UBE2U: variants seen among roughly 807,000 people sequenced by gnomAD.
UBE2U encodes ubiquitin conjugating enzyme E2 U, also known as ubiquitin-conjugating enzyme E2 U.
Under a neutral mutation model 41.2 loss-of-function variants are expected in UBE2U, and 39 were observed. The observed-to-expected ratio is 0.95, with a 90% CI of 0.73 to 1.24. The LOEUF (loss-of-function observed/expected upper bound fraction) is 1.24. Ranked by LOEUF, UBE2U falls within the 50% of genes most tolerant of loss-of-function variation. UBE2U has a pLI of 0.00. For synonymous variants in UBE2U, 107 were observed against 117.8 expected (o/e 0.91, Z 0.60); for missense variants, 336 against 363.1 (o/e 0.93, Z 0.61).
chr1:64,204,022 G>A lies in UBE2U; in HGVS notation c.-29G>A, dbSNP rs1248961377. On this transcript the variant is annotated 5_prime_UTR_variant, in exon 1 of 10. Coordinates refer to ENST00000371077, the MANE Select transcript of UBE2U (RefSeq NM_001366232.2). ...TCAGAGTAAACCTGAGGCATTTGGGGACAAGTGTCAGACCCTCCGCTGCCT... is the reference window on the plus strand; with the variant it reads ...TCAGAGTAAACCTGAGGCATTTGGGAACAAGTGTCAGACCCTCCGCTGCCT... The A allele has an allele frequency of 6.2e-7, 1 of 1,606,788 alleles. No homozygotes were observed. The highest frequency in any genetic ancestry group is 8.5e-7 in the Non-Finnish European group (1 of 1,175,614).
chr1:64,237,304 G>T (rs1056479941), intron 7 of UBE2U, among the ~76,000 whole-genome samples: 2 of 95,764 alleles, frequency 2.1e-5, no homozygotes. Context: ...ATGTATCATA[G>T]AAAAAAAAAA....
At chr1:64,216,908 T>C (rs72918836) in intron 5 of UBE2U, among the ~76,000 whole-genome samples, 2,444 of 152,256 alleles carry the variant, frequency 0.016, 70 homozygotes, top group African/African-American at 0.055. Flanking sequence ...CTTAGAGGAC[T>C]CACATACCCC....
intron 6 of UBE2U, among the ~76,000 whole-genome samples, chr1:64,231,855 T>A (rs1035140619): frequency 6.6e-6 from 1 of 152,230 alleles, no homozygotes; most frequent in Middle Eastern, 3.2e-3. Context: ...TTCACATGTC[T>A]GAAAAAATAT....
At chr1:64,259,173 G>A (rs1032976811) in intron 8 of UBE2U, among the ~76,000 whole-genome samples, 2 of 152,006 alleles carry the variant, frequency 1.3e-5, no homozygotes, top group African/African-American at 4.8e-5. Context: ...GGGGTTGTTT[G>A]TTTTTTTCTT....
intron 6 of UBE2U, among the ~76,000 whole-genome samples, chr1:64,226,162 T>C (rs1355247760): frequency 6.6e-6 from 1 of 152,160 alleles, no homozygotes; most frequent in African/African-American, 2.4e-5. Flanking sequence ...TTTATTAATA[T>C]ATAGAATACT....
chr1:64,241,509 G>A, intron 7 of UBE2U, 143 bp from the exon 8 acceptor site: 1 of 539,388 alleles, frequency 1.9e-6, no homozygotes, highest in Non-Finnish European at 3.3e-6. Flanking sequence ...AAGTTTCTAA[G>A]GATTGTAATA....
Position 64,232,611 on chromosome 1 carries a change from T to C in UBE2U, c.557T>C (p.Ile186Thr). ...GATTACTACCAGACATGGTCCAGAA[T>C]AGCTACATCAAAAGCCACAGAATAC... is the stretch of plus-strand genomic sequence containing the variant. ...FSDYYQTWSR[I>T]ATSKATEYYR... The change falls in exon 7 of 10, where the codon ATA becomes ACA. Residue 186 changes from isoleucine (I) to threonine (T), a missense_variant. By Grantham distance (89) the Ile-to-Thr change is moderately conservative. Transcript: ENST00000371077. The C allele has an allele frequency of 6.2e-7, 1 of 1,613,650 alleles. No individual in the cohort carries two copies. Among genetic ancestry groups the C allele is most frequent in the South Asian group, 1.1e-5 (1 of 91,052 alleles).
At chr1:64,211,502 C>T (rs527421604) in intron 4 of UBE2U, among the ~76,000 whole-genome samples, 1 of 152,272 alleles carries the variant, frequency 6.6e-6, no homozygotes, top group Admixed American at 6.5e-5. Flanking sequence ...TGCAACGGCA[C>T]AATCCTGGCT....
intron 8 of UBE2U, among the ~76,000 whole-genome samples, chr1:64,256,397 C>T (rs1026296745): frequency 6.6e-6 from 1 of 152,146 alleles, no homozygotes; most frequent in African/African-American, 2.4e-5. Context: ...ACCAAAACAG[C>T]ATGATACTAG....
intron 6 of UBE2U, among the ~76,000 whole-genome samples, chr1:64,223,172 C>T (rs2100338598): frequency 6.6e-6 from 1 of 152,266 alleles, no homozygotes; most frequent in East Asian, 1.9e-4. Context: ...AGGATACACA[C>T]CTGATTAATA....
chr1:64,249,712 T>A (rs1644976868), intron 8 of UBE2U, among the ~76,000 whole-genome samples: 1 of 151,814 alleles, frequency 6.6e-6, no homozygotes, highest in Non-Finnish European at 1.5e-5. Flanking sequence ...AGTGTAGCAA[T>A]ATAATCTCTT....
chr1:64,232,430 A>G, intron 6 of UBE2U, 131 bp from the exon 7 acceptor site: 1 of 544,942 alleles, frequency 1.8e-6, no homozygotes, highest in South Asian at 3.5e-5. Context: ...TTAAAAATGC[A>G]TGTTACAATT....
intron 6 of UBE2U, among the ~76,000 whole-genome samples, chr1:64,228,729 G>A (rs571807693): frequency 1.0e-4 from 12 of 118,502 alleles, no homozygotes; most frequent in East Asian, 1.0e-3. Flanking sequence ...TTGCTCTGTC[G>A]CCCAGGTTGG....
At chr1:64,255,734 T>C (rs569065146) in intron 8 of UBE2U, among the ~76,000 whole-genome samples, 1 of 152,272 alleles carries the variant, frequency 6.6e-6, no homozygotes, top group African/African-American at 2.4e-5. Flanking sequence ...TCACCGCTCC[T>C]ATTCAACATA....
At chr1:64,217,048 A>G (rs1652073377) in intron 5 of UBE2U, among the ~76,000 whole-genome samples, 1 of 152,214 alleles carries the variant, frequency 6.6e-6, no homozygotes, top group African/African-American at 2.4e-5. Flanking sequence ...AAATGACTCT[A>G]TAGTTGTGCC....
intron 6 of UBE2U, among the ~76,000 whole-genome samples, chr1:64,226,094 C>T (rs1388163997): frequency 6.6e-6 from 1 of 152,018 alleles, no homozygotes; most frequent in African/African-American, 2.4e-5. Flanking sequence ...TTTATAATAT[C>T]GCAAACTAGA....
intron 5 of UBE2U, among the ~76,000 whole-genome samples, chr1:64,219,175 A>G (rs1652242451): frequency 2.0e-5 from 3 of 152,184 alleles, no homozygotes; most frequent in Admixed American, 2.0e-4. Context: ...CGTTACTGTC[A>G]TATGCTCATA....
chr1:64,253,278 C>A (rs930938191), intron 8 of UBE2U, among the ~76,000 whole-genome samples: 2 of 152,090 alleles, frequency 1.3e-5, no homozygotes, highest in Admixed American at 1.3e-4. Context: ...GGACACCAAA[C>A]CTACAACTGA....
intron 6 of UBE2U, among the ~76,000 whole-genome samples, chr1:64,228,280 C>T (rs542741235): frequency 2.0e-5 from 3 of 152,242 alleles, no homozygotes; most frequent in East Asian, 3.9e-4. Flanking sequence ...AATTTAGAGC[C>T]AGAGGTGTGG....
Sources: allele counts gnomAD v4.1 joint callset (sites outside exome capture counted in the v4.1 genomes callset), GRCh38; gene constraint gnomAD v4.1.1; transcripts MANE v1.5; gene names NCBI Gene and HGNC (gene_info 2026-07-23, HGNC 2026-07-21).